The following ABCC4 variants were observed in gnomAD, a reference collection of about 807,000 sequenced individuals.
ABCC4 encodes ATP binding cassette subfamily C member 4 (PEL blood group), also known as ATP-binding cassette sub-family C member 4.
ABCC4 carries 102 observed loss-of-function variants against 168.5 expected under a neutral mutation model. The observed-to-expected ratio is 0.61, with a 90% CI of 0.52 to 0.71. ABCC4 has a LOEUF of 0.71. Ranked by LOEUF, ABCC4 falls within the 30% of genes least tolerant of loss-of-function variation. The pLI is 0.00. For missense variants in ABCC4, 1,402 were observed against 1,605.8 expected (o/e 0.87, Z 2.17); for synonymous variants, 617 against 590.7 (o/e 1.04, Z -0.65).
chr13:95,142,372 C>T (rs1478229598), intron 19 of ABCC4, among the ~76,000 whole-genome samples: 1 of 152,096 alleles, frequency 6.6e-6, no homozygotes, highest in Non-Finnish European at 1.5e-5. Context: ...TAAGTAGGAG[C>T]TAAGCTATGG....
intron 19 of ABCC4, among the ~76,000 whole-genome samples, chr13:95,152,103 T>C (rs372706815): frequency 6.6e-6 from 1 of 152,198 alleles, no homozygotes; most frequent in African/African-American, 2.4e-5. Context: ...TTTCTTTGAC[T>C]GGTAAACAAC....
intron 26 of ABCC4, among the ~76,000 whole-genome samples, chr13:95,059,394 C>T (rs1486316306): frequency 6.6e-6 from 1 of 152,230 alleles, no homozygotes; most frequent in African/African-American, 2.4e-5. Flanking sequence ...ACTTGTGTAA[C>T]TTGTCTGGGA....
At position 95,176,233 on chromosome 13, in the gene ABCC4, G is replaced by GCT. The variant is rs1180168530; in HGVS notation, c.1727+1473_1727+1474insAG. Reference sequence around the variant, plus strand: ...CCAGGAAGCCGAGGGCAGGGGGGGGGGGGGGGGGGGGGTGGATCCCTTGAG... The same window carrying GCT: ...CCAGGAAGCCGAGGGCAGGGGGGGGGCTGGGGGGGGGGGGTGGATCCCTTGAG... On this transcript the variant is annotated intron_variant, in intron 13 of 30. Coordinates refer to ENST00000645237, the MANE Select transcript of ABCC4 (RefSeq NM_005845.5). Among the ~76,000 whole-genome samples the GCT allele has an allele frequency of 4.9e-3, 291 of 59,842 alleles. 32 individuals carry two copies. Among genetic ancestry groups the GCT allele is most frequent in the African/African-American group, 0.016 (271 of 16,612 alleles). The allele number at this position is 59,842 out of a possible 152,430, so 39.3% of individuals were successfully genotyped here.
At chr13:95,254,502 A>T (rs1260520923) in intron 1 of ABCC4, among the ~76,000 whole-genome samples, 1 of 151,962 alleles carries the variant, frequency 6.6e-6, no homozygotes. Context: ...CAAACAGAAC[A>T]CCTTTTCATC....
At chr13:95,106,492 G>A (rs1255360652) in intron 20 of ABCC4, among the ~76,000 whole-genome samples, 1 of 151,290 alleles carries the variant, frequency 6.6e-6, no homozygotes, top group Non-Finnish European at 1.5e-5. Flanking sequence ...TTTTTCTAGA[G>A]GGAGTTTTGT....
intron 3 of ABCC4, among the ~76,000 whole-genome samples, chr13:95,235,951 T>G (rs905103591): frequency 2.0e-5 from 3 of 152,106 alleles, no homozygotes; most frequent in Non-Finnish European, 2.9e-5. Flanking sequence ...AATAATCATC[T>G]TTTCCCCAAG....
chr13:95,085,372 G>A (rs1311529473), intron 20 of ABCC4, among the ~76,000 whole-genome samples: 1 of 152,142 alleles, frequency 6.6e-6, no homozygotes, highest in Non-Finnish European at 1.5e-5. Flanking sequence ...CCTGGGAGCT[G>A]GAGGTTGCAG....
rs146743223 is a variant in ABCC4 at position 95,292,745 on chromosome 13, A to T, written c.74+8496T>A. ...CTCTTCCTTTCAACCCACTAATTCT[A>T]TGACACTAAGGAAAAGGGGAAGATA... On this transcript the variant is annotated intron_variant, in intron 1 of 30. Transcript: ENST00000645237. 3.8e-3 allele frequency among the ~76,000 whole-genome samples: 576 copies of T among 152,232 alleles called. 2 individuals carry two copies. Among genetic ancestry groups the T allele is most frequent in the African/African-American group, 0.013 (557 of 41,534 alleles).
chr13:95,290,149 T>TAGATAGATGATA (rs202240726), intron 1 of ABCC4, among the ~76,000 whole-genome samples: 5 of 115,476 alleles, frequency 4.3e-5, no homozygotes, highest in Admixed American at 1.8e-4. Flanking sequence ...GATAGATAGA[T>TAGATAGATGATA]GATAGATAGA....
At chr13:95,125,794 T>C (rs775234088) in intron 19 of ABCC4, among the ~76,000 whole-genome samples, 6 of 152,180 alleles carry the variant, frequency 3.9e-5, no homozygotes, top group Non-Finnish European at 5.9e-5. Context: ...TGATGATTAT[T>C]TTACATTTGC....
At chr13:95,271,997 C>T (rs187459546) in intron 1 of ABCC4, among the ~76,000 whole-genome samples, 54 of 152,176 alleles carry the variant, frequency 3.5e-4, no homozygotes, top group Middle Eastern at 3.4e-3. Context: ...ATCTCTAGTA[C>T]CTGAGATAAC....
intron 21 of ABCC4, among the ~76,000 whole-genome samples, chr13:95,076,330 C>T (rs548491327): frequency 5.8e-4 from 89 of 152,220 alleles, no homozygotes; most frequent in African/African-American, 2.0e-3. Context: ...ATGGCATGTG[C>T]CATTGCTTTT....
intron 1 of ABCC4, among the ~76,000 whole-genome samples, chr13:95,262,099 T>C (rs2040547400): frequency 6.6e-6 from 1 of 152,176 alleles, no homozygotes; most frequent in Non-Finnish European, 1.5e-5. Flanking sequence ...TAGGGCAACA[T>C]GCCTGGGGGG....
intron 25 of ABCC4, 28 bp from the exon 26 acceptor site, chr13:95,062,887 A>T (rs1196393495): frequency 9.8e-6 from 13 of 1,321,916 alleles, no homozygotes; most frequent in East Asian, 2.8e-5. Context: ...CGGCAGGATT[A>T]AAAAAAAAAA....
chr13:95,280,442 G>A (rs2041088576), intron 1 of ABCC4, among the ~76,000 whole-genome samples: 1 of 149,316 alleles, frequency 6.7e-6, no homozygotes, highest in African/African-American at 2.5e-5. Flanking sequence ...AAAGGCCTAA[G>A]GCTTACTCAG....
At chr13:95,049,391 C>T (rs995514075) in intron 27 of ABCC4, among the ~76,000 whole-genome samples, 1 of 151,926 alleles carries the variant, frequency 6.6e-6, no homozygotes, top group African/African-American at 2.4e-5. Flanking sequence ...CCTGTAATCC[C>T]AGCACTTTGG....
intron 1 of ABCC4, among the ~76,000 whole-genome samples, chr13:95,258,692 C>T (rs2040453113): frequency 6.6e-6 from 1 of 152,106 alleles, no homozygotes; most frequent in African/African-American, 2.4e-5. Context: ...GTGAGTGACT[C>T]TCCACCCAGG....
At chr13:95,295,429 G>T (rs2041504386) in intron 1 of ABCC4, among the ~76,000 whole-genome samples, 1 of 152,138 alleles carries the variant, frequency 6.6e-6, no homozygotes, top group Non-Finnish European at 1.5e-5. Context: ...GGAGGCCGAG[G>T]TGGGTAGATC....
chr13:95,114,702 T>C (rs2035314267), intron 20 of ABCC4, among the ~76,000 whole-genome samples: 1 of 152,196 alleles, frequency 6.6e-6, no homozygotes, highest in African/African-American at 2.4e-5. Context: ...ACATGCTCAT[T>C]TGCTGCCTTG....
Sources: allele counts gnomAD v4.1 joint callset (sites outside exome capture counted in the v4.1 genomes callset), GRCh38; gene constraint gnomAD v4.1.1; transcripts MANE v1.5; gene names NCBI Gene and HGNC (gene_info 2026-07-23, HGNC 2026-07-21).